Variants in TUB observed in about 807,000 individuals in gnomAD.
TUB encodes tubby protein homolog.
TUB carries 33 observed loss-of-function variants against 59.7 expected under a neutral mutation model. That is an observed-to-expected ratio of 0.55 (90% CI 0.42 to 0.74). The LOEUF (loss-of-function observed/expected upper bound fraction) is 0.74. Among genes scored for constraint, TUB ranks in the 30% least tolerant of loss-of-function variants. The probability of loss-of-function intolerance (pLI) is 0.00; values close to 1 mark genes in which losing one functional copy is unlikely to be tolerated. For missense variants in TUB, 659 were observed against 672.0 expected (o/e 0.98, Z 0.21); for synonymous variants, 293 against 256.4 (o/e 1.14, Z -1.36).
At chr11:8,077,517 G>T (rs1005269596), upstream of TUB, 1 of 152,186 alleles carries the variant, frequency 6.6e-6, no homozygotes, top group Non-Finnish European at 1.5e-5. Context: ...TTTGGTAAAA[G>T]ACCCTAGCAC....
chr11:8,082,359 C>T (rs570400098), intron 1 of TUB, among the ~76,000 whole-genome samples: 2 of 152,302 alleles, frequency 1.3e-5, no homozygotes, highest in Admixed American at 1.3e-4. Flanking sequence ...TCCCATTTGC[C>T]TGGGAAGGGG....
upstream of TUB, chr11:8,077,007 C>A (rs1185736188): frequency 6.6e-6 from 1 of 152,188 alleles, no homozygotes; most frequent in Non-Finnish European, 1.5e-5. Flanking sequence ...AGGGCTTTAT[C>A]TGGCCACCCA....
intron 9 of TUB, 95 bp downstream of exon 9, chr11:8,098,970 G>C: frequency 1.1e-6 from 1 of 920,324 alleles, no homozygotes; most frequent in Admixed American, 1.8e-5. Flanking sequence ...CATCTTAGTG[G>C]GTAGACAAGG....
chr11:8,081,572 G>T (rs780693637), intron 1 of TUB, 24 bp downstream of exon 1: 2 of 1,507,648 alleles, frequency 1.3e-6, no homozygotes, highest in Non-Finnish European at 8.8e-7. Flanking sequence ...GGGCCGGGGC[G>T]CCCACCACTC....
upstream of TUB, among the ~76,000 whole-genome samples, chr11:8,037,034 G>A (rs1942656128): frequency 6.6e-6 from 1 of 152,204 alleles, no homozygotes; most frequent in African/African-American, 2.4e-5. Context: ...CTTTTACTCT[G>A]ACTGGAGGGT....
chr11:8,051,022 G>A (rs1027074001), intron 2 of TUB, among the ~76,000 whole-genome samples: 1 of 152,176 alleles, frequency 6.6e-6, no homozygotes, highest in Non-Finnish European at 1.5e-5. Context: ...TTGTTCCACT[G>A]GGAACCGTCA....
rs143605040 is a variant in TUB, at chr11:8,083,303, C to T, written c.38+1755C>T. 7.4e-3 allele frequency among the ~76,000 whole-genome samples: 1,120 copies of T among 152,248 alleles called. 34 individuals are homozygous for T. Among genetic ancestry groups the T allele is most frequent in the Admixed American group, 0.056 (854 of 15,300 alleles). On this transcript the variant is annotated intron_variant, in intron 1 of 11. Coordinates refer to ENST00000299506, the MANE Select transcript of TUB (RefSeq NM_177972.3). ...AGGAGGGTGGGAGGGGCAGCACTTA[C>T]GGCTGTGGAGATTATGACGTGGTTA...
intron 3 of TUB, among the ~76,000 whole-genome samples, chr11:8,092,766 ACC>A (rs1044055062): frequency 2.0e-5 from 3 of 152,170 alleles, no homozygotes; most frequent in Non-Finnish European, 4.4e-5. Context: ...CGCGTGGCCT[ACC>A]CAGGAACTGG....
intron 2 of TUB, among the ~76,000 whole-genome samples, chr11:8,070,813 C>T (rs990176322): frequency 1.3e-5 from 2 of 152,210 alleles, no homozygotes; most frequent in East Asian, 3.8e-4. Context: ...AGACCAGAAA[C>T]TTCATTGCTT....
At chr11:8,038,808 C>T (rs1049930565) in exon 1 of TUB, 27 of 1,577,714 alleles carry the variant, frequency 1.7e-5, no homozygotes, top group South Asian at 9.5e-5. Context: ...TTTCAACAGG[C>T]TCCAGGTCTT....
rs1166085464 is a variant in TUB at position 8,026,673 on chromosome 11, G to T, written c.56+7315G>T. Among the ~76,000 whole-genome samples the T allele has an allele frequency of 4.6e-5, 7 of 152,066 alleles. No individual in the cohort carries two copies. The East Asian group carries it at 1.3e-3, about 29-fold the overall frequency. On this transcript the variant is annotated intron_variant, in intron 1 of 11. Transcript: ENST00000534099. The stretch of plus-strand genomic sequence containing the variant: ...AAATACTTATAAGTATTGAAATCTG[G>T]CAGTTCAGGACTTTCAGCCTTGTCT...
chr11:8,053,897 A>C (rs1000672680), intron 2 of TUB, among the ~76,000 whole-genome samples: 9 of 150,098 alleles, frequency 6.0e-5, no homozygotes, highest in African/African-American at 1.9e-4. Flanking sequence ...AGGCAGATCA[A>C]GAGGTCAGGA....
At chr11:8,071,845 C>G (rs1306682934) in intron 2 of TUB, among the ~76,000 whole-genome samples, 3 of 152,210 alleles carry the variant, frequency 2.0e-5, no homozygotes, top group African/African-American at 4.8e-5. Flanking sequence ...AGAGAGACCT[C>G]TGAAGTCCAT....
exon 1 of TUB, chr11:8,038,657 A>G: frequency 7.5e-7 from 1 of 1,335,746 alleles, no homozygotes. Flanking sequence ...CTGGTCCTGA[A>G]GGGTTTGGGG....
At chr11:8,021,759 C>G (rs1002869755) in intron 1 of TUB, among the ~76,000 whole-genome samples, 2 of 151,008 alleles carry the variant, frequency 1.3e-5, no homozygotes, top group African/African-American at 4.9e-5. Context: ...AATAAAAATA[C>G]AAAAAAATTA....
chr11:8,081,959 C>T lies in TUB; in HGVS notation c.38+411C>T, dbSNP rs144790482. Among the ~76,000 whole-genome samples, 4 of 152,366 alleles carry T rather than the reference C, an allele frequency of 2.6e-5. No homozygotes were observed. The East Asian group carries it at 5.8e-4, about 22-fold the overall frequency. ...CTGCCTTGGGCCAAAGACGCTCCTG[C>T]TGGTCGGTTCACACTCTCAAAGCAT... is the stretch of plus-strand genomic sequence containing the variant. On this transcript the variant is annotated intron_variant, in intron 1 of 11. Transcript: ENST00000299506.
chr11:8,092,656 T>C (rs1240574875), intron 3 of TUB, among the ~76,000 whole-genome samples: 6 of 152,126 alleles, frequency 3.9e-5, no homozygotes, highest in African/African-American at 1.4e-4. Flanking sequence ...TTTGAACATG[T>C]GACATTTGAT....
In TUB at chr11:8,100,903, C is replaced by T. The variant is rs1944265228; in HGVS notation, c.1293C>T (p.Val431=). 6.2e-7 allele frequency: 1 copy of T among 1,614,196 alleles called. No homozygotes were observed. Among genetic ancestry groups the T allele is most frequent in the East Asian group, 2.2e-5 (1 of 44,874 alleles). Residue 431 remains valine (V), a synonymous_variant, in exon 11 of 12, where the codon GTC becomes GTT. Transcript: ENST00000299506. ...TCGAGCTGCAAAACAAGACACCTGT[C>T]TGGAATGATGACACACAGTCCTATG... ...SIIELQNKTP[V]WNDDTQSYVL...
intron 1 of TUB, among the ~76,000 whole-genome samples, chr11:8,027,453 A>G (rs1210457366): frequency 3.9e-5 from 6 of 152,174 alleles, no homozygotes; most frequent in African/African-American, 1.4e-4. Context: ...TTGGCTGAAT[A>G]ATTCCATTGT....
Sources: gnomAD v4.1 joint callset for allele counts (sites outside exome capture counted in the v4.1 genomes callset) on GRCh38, gnomAD v4.1.1 for gene constraint, MANE v1.5 for transcripts, NCBI Gene and HGNC (gene_info 2026-07-23, HGNC 2026-07-21) for gene names.